FRMPD4: variants seen among roughly 807,000 people sequenced by gnomAD.
FRMPD4 encodes FERM and PDZ domain containing 4, also known as FERM and PDZ domain-containing protein 4.
FRMPD4 carries 22 observed loss-of-function variants against 94.1 expected under a neutral mutation model. That is an observed-to-expected ratio of 0.23 (90% confidence interval 0.17 to 0.33). The LOEUF (loss-of-function observed/expected upper bound fraction) is 0.33, where lower values mean the gene tolerates loss of function less well. Among genes scored for constraint, FRMPD4 ranks in the 10% least tolerant of loss-of-function variants. The pLI is 1.00. For synonymous variants in FRMPD4, 631 were observed against 548.6 expected (o/e 1.15, Z -2.10); for missense variants, 1,111 against 1,339.9 (o/e 0.83, Z 2.67).
At chrX:11,961,726 A>T (rs993066034) in intron 3 of FRMPD4, among the ~76,000 whole-genome samples, 2 of 110,357 alleles carry the variant, frequency 1.8e-5, no homozygotes, top group Non-Finnish European at 3.8e-5. Flanking sequence ...ACATCTCAAT[A>T]AGCCCCTTCA....
In FRMPD4 at chrX:12,720,524, C is replaced by A; in HGVS notation, c.3965-10C>A. 8.3e-7 allele frequency: 1 copy of A among 1,206,369 alleles called. No homozygotes were observed. The highest frequency in any genetic ancestry group is 1.8e-5 in the South Asian group (1 of 56,725). On this transcript the variant is annotated splice_polypyrimidine_tract_variant and intron_variant, in intron 16 of 16. Coordinates refer to ENST00000675598, the MANE Select transcript of FRMPD4 (RefSeq NM_001368397.1). ...TGATTCTCTCTGTTTTTCTACTACC[C>A]CTAGTGTAGCTTTGACAGAGCCTGG...
chrX:12,301,504 C>T (rs1444769813), intron 1 of FRMPD4, among the ~76,000 whole-genome samples: 2 of 111,438 alleles, frequency 1.8e-5, no homozygotes, highest in Admixed American at 1.9e-4. Flanking sequence ...TCCTCCTCTC[C>T]CATGTTAGTC....
intron 13 of FRMPD4, among the ~76,000 whole-genome samples, chrX:12,709,103 C>T (rs779009207): frequency 6.6e-4 from 74 of 111,958 alleles, no homozygotes; most frequent in Admixed American, 1.0e-3. Flanking sequence ...AAATGAGTGT[C>T]GTGCCCGGCC....
intron 3 of FRMPD4, among the ~76,000 whole-genome samples, chrX:11,992,130 C>T (rs778528895): frequency 1.2e-5 from 1 of 80,433 alleles, no homozygotes; most frequent in Non-Finnish European, 2.4e-5. Flanking sequence ...ACGCAGGCAC[C>T]TAATTAAAAG....
intron 2 of FRMPD4, among the ~76,000 whole-genome samples, chrX:12,539,050 A>G (rs2058374130): frequency 8.9e-6 from 1 of 111,852 alleles, no homozygotes; most frequent in African/African-American, 3.3e-5. Flanking sequence ...AAAAAATTAG[A>G]TGAATGGCTA....
At chrX:11,964,559 G>C (rs1024956748) in intron 3 of FRMPD4, among the ~76,000 whole-genome samples, 1 of 111,913 alleles carries the variant, frequency 8.9e-6, no homozygotes, top group African/African-American at 3.3e-5. Flanking sequence ...ACAGTGTCCT[G>C]TCTGGGAACT....
At chrX:12,410,773 G>A (rs760039624) in intron 1 of FRMPD4, among the ~76,000 whole-genome samples, 9 of 111,387 alleles carry the variant, frequency 8.1e-5, no homozygotes, top group Non-Finnish European at 1.5e-4. Flanking sequence ...AGTAGTTGCC[G>A]TTCCTTCCTT....
At chrX:12,185,205 A>G (rs946523396) in intron 1 of FRMPD4, among the ~76,000 whole-genome samples, 4 of 112,008 alleles carry the variant, frequency 3.6e-5, no homozygotes, top group Non-Finnish European at 3.8e-5. Flanking sequence ...ATATAAGACT[A>G]GTTCATAACC....
intron 3 of FRMPD4, among the ~76,000 whole-genome samples, chrX:12,092,291 A>G (rs2055159766): frequency 1.8e-5 from 2 of 111,919 alleles, no homozygotes; most frequent in South Asian, 7.4e-4. Flanking sequence ...TTATTTGTAA[A>G]ATTGCTTCTC....
chrX:12,700,650 AAGC>A (rs1479543509), intron 9 of FRMPD4, among the ~76,000 whole-genome samples: 1 of 112,465 alleles, frequency 8.9e-6, no homozygotes, highest in Non-Finnish European at 1.9e-5. Flanking sequence ...GCACTTGAAA[AAGC>A]AGGGCAGTTG....
rs1805258222 is a variant in FRMPD4 at position 12,339,056 on chromosome X, G to A, written c.42-159624G>A. On this transcript the variant is annotated intron_variant, in intron 1 of 16. Transcript: ENST00000675598. ...GGACAGCAGGAGGGAAGGAGCTTGAGGGTGGGGAGATTGTCAGTAAACAAT... is the reference window on the plus strand; with the variant it reads ...GGACAGCAGGAGGGAAGGAGCTTGAAGGTGGGGAGATTGTCAGTAAACAAT... Among the ~76,000 whole-genome samples the A allele has an allele frequency of 2.7e-5, 3 of 112,226 alleles. No individual in the cohort carries two copies. In the South Asian group the frequency reaches 1.1e-3, roughly 42 times the overall value.
intron 1 of FRMPD4, among the ~76,000 whole-genome samples, chrX:12,177,640 C>T (rs1003648655): frequency 3.6e-5 from 4 of 112,245 alleles, no homozygotes; most frequent in Non-Finnish European, 7.5e-5. Flanking sequence ...TCAATTTAGG[C>T]ATCAATCTCA....
intron 12 of FRMPD4, 140 bp downstream of exon 12, chrX:12,707,055 C>T: frequency 2.6e-6 from 1 of 391,568 alleles, no homozygotes. Context: ...CTGAAAATAT[C>T]AGAAGAAATG....
At chrX:12,296,941 G>A (rs772482530) in intron 1 of FRMPD4, among the ~76,000 whole-genome samples, 8 of 112,269 alleles carry the variant, frequency 7.1e-5, no homozygotes, top group Non-Finnish European at 1.3e-4. Flanking sequence ...AGGACAGGTG[G>A]GCATGGGGTA....
At position 12,614,839 on chromosome X, in the gene FRMPD4, CGGTCAGCGCTGCACCCAGAGAGCG is replaced by C. The variant is rs2059219699; in HGVS notation, c.386_409del (p.Ser129_Val136del). 8.4e-7 allele frequency: 1 copy of C among 1,186,694 alleles called. No homozygotes were observed. Among genetic ancestry groups the C allele is most frequent in the African/African-American group, 1.8e-5 (1 of 56,410 alleles). ...CAGATTGTAATGATTAATGATGAAC[CGGTCAGCGCTGCACCCAGAGAGCG>C]GGTCATCGATCTGGTCAGGTGAGTG... On this transcript the variant is annotated inframe_deletion, in exon 4 of 17. Transcript: ENST00000675598.
chrX:12,090,100 C>T (rs1601930663), intron 3 of FRMPD4, among the ~76,000 whole-genome samples: 1 of 111,525 alleles, frequency 9.0e-6, no homozygotes, highest in African/African-American at 3.3e-5. Flanking sequence ...ATGGTTTGGA[C>T]CTGTGTCTCT....
intron 1 of FRMPD4, among the ~76,000 whole-genome samples, chrX:12,423,274 A>G (rs1034565486): frequency 9.0e-5 from 10 of 111,321 alleles, no homozygotes; most frequent in Non-Finnish European, 1.7e-4. Flanking sequence ...ATAAAAAACA[A>G]AAATTTCCCA....
At chrX:12,095,734 C>T (rs753872726) in intron 3 of FRMPD4, among the ~76,000 whole-genome samples, 85 of 112,361 alleles carry the variant, frequency 7.6e-4, no homozygotes, top group Non-Finnish European at 1.4e-3. Flanking sequence ...AAGTCTGCCT[C>T]CTGGTAATGT....
At chrX:11,825,553 T>C (rs1162489080) in intron 1 of FRMPD4, among the ~76,000 whole-genome samples, 1 of 110,336 alleles carries the variant, frequency 9.1e-6, no homozygotes, top group Non-Finnish European at 1.9e-5. Flanking sequence ...TAATACTTAG[T>C]TGGACTTCTG....
Sources: gnomAD v4.1 joint callset for allele counts (sites outside exome capture counted in the v4.1 genomes callset) on GRCh38, gnomAD v4.1.1 for gene constraint, MANE v1.5 for transcripts, NCBI Gene and HGNC (gene_info 2026-07-23, HGNC 2026-07-21) for gene names.